LHFPL5: variants seen among roughly 807,000 people sequenced by gnomAD.
The protein encoded by LHFPL5 is LHFPL tetraspan subfamily member 5 protein.
LHFPL5 carries 12 observed loss-of-function variants against 18.7 expected under a neutral mutation model. That is an observed-to-expected ratio of 0.64 (90% confidence interval 0.41 to 1.04). The LOEUF is 1.04. LHFPL5 is among the 50% of genes least tolerant of loss of function. The probability of loss-of-function intolerance (pLI) is 0.00; values close to 1 mark genes in which losing one functional copy is unlikely to be tolerated. For synonymous variants in LHFPL5, 111 were observed against 120.2 expected (o/e 0.92, Z 0.50); for missense variants, 259 against 292.1 (o/e 0.89, Z 0.83).
chr6:35,807,980 AGT>A lies in LHFPL5; in HGVS notation c.412+1899_412+1900del, dbSNP rs1335804218. Among the ~76,000 whole-genome samples, 240 of 152,300 alleles carry A rather than the reference AGT, an allele frequency of 1.6e-3. 2 individuals are homozygous for A. The South Asian group carries it at 0.023, about 15-fold the overall frequency. On this transcript the variant is annotated intron_variant, in intron 1 of 3. Coordinates refer to ENST00000360215, the MANE Select transcript of LHFPL5 (RefSeq NM_182548.4). ...TGGGTAACTTGTCTTTGAGCATACA[AGT>A]AGGAAGGCATGCACCTTTGATTCCA...
In LHFPL5 at chr6:35,823,414, C is replaced by CATACAT. The variant is rs1393599562; in HGVS notation, c.*450_*451insTACATA. The CATACAT allele has an allele frequency of 9.7e-5, 12 of 124,174 alleles. No individual in the cohort carries two copies. Among genetic ancestry groups the CATACAT allele is most frequent in the Non-Finnish European group, 1.2e-4 (7 of 58,436 alleles). 7.7% of individuals were successfully genotyped at this position (124,174 alleles called of 1,614,324 possible). On this transcript the variant is annotated 3_prime_UTR_variant, in exon 4 of 4. Transcript: ENST00000360215. ...ACACACACACACACACACACACACA[C>CATACAT]ACACACACACATACATACACACACA...
chr6:35,811,413 C>T (rs569019731), intron 1 of LHFPL5: 2 of 152,382 alleles, frequency 1.3e-5, no homozygotes, highest in African/African-American at 4.8e-5. Flanking sequence ...ACTTTACAGA[C>T]AACAGGACGG....
In LHFPL5 at chr6:35,814,190, T is replaced by A. The variant is rs1768719140; in HGVS notation, c.413-356T>A. Among the ~76,000 whole-genome samples the A allele has an allele frequency of 6.6e-6, 1 of 152,214 alleles. No homozygotes were observed. On this transcript the variant is annotated intron_variant, in intron 1 of 3. Coordinates refer to ENST00000360215, the MANE Select transcript of LHFPL5 (RefSeq NM_182548.4). This position sits in a 1 kb window ranked among gnomAD's most constrained non-coding sequence, Gnocchi z 4.2. ...ATGAGTTCTTTGGGCTGGGACTAGA[T>A]ACCGGAGGGCTTTGAAGCCAGGGTA...
At position 35,805,815 on chromosome 6, in the gene LHFPL5, T is replaced by G; in HGVS notation, c.145T>G (p.Trp49Gly). 1.2e-6 allele frequency: 2 copies of G among 1,614,260 alleles called. No homozygotes were observed. Among genetic ancestry groups the G allele is most frequent in the Non-Finnish European group, 1.7e-6 (2 of 1,180,036 alleles). Residue 49 changes from tryptophan to glycine, a missense_variant, in exon 1 of 4, where the codon TGG (tryptophan) becomes GGG (glycine). Transcript: ENST00000360215. This position sits in a 1 kb window ranked among gnomAD's most constrained non-coding sequence, Gnocchi z 4.3. Reference protein sequence around the residue: ...LVMALFIQPYWIGDSVNTPQA... With the variant: ...LVMALFIQPYGIGDSVNTPQA... ...CATGGCCCTCTTCATCCAGCCCTAC[T>G]GGATCGGCGACAGCGTCAACACACC...
intron 1 of LHFPL5, among the ~76,000 whole-genome samples, chr6:35,806,794 G>A (rs767069900): frequency 3.9e-5 from 6 of 152,094 alleles, no homozygotes; most frequent in Non-Finnish European, 7.4e-5. Context: ...TGAGGTAGAG[G>A]AAGCTATTTA....
intron 1 of LHFPL5, among the ~76,000 whole-genome samples, chr6:35,811,643 G>A (rs2151070129): frequency 6.6e-6 from 1 of 152,350 alleles, no homozygotes; most frequent in Non-Finnish European, 1.5e-5. Context: ...GGAGGGGAGG[G>A]GCCACGGGAG....
chr6:35,813,083 C>G (rs1012188650), intron 1 of LHFPL5, among the ~76,000 whole-genome samples: 2 of 151,956 alleles, frequency 1.3e-5, no homozygotes, highest in Non-Finnish European at 1.5e-5. Flanking sequence ...GCTTAAGTTG[C>G]TTGCTCTGAG....
At position 35,814,323 on chromosome 6, in the gene LHFPL5, G is replaced by T. The variant is rs143505680; in HGVS notation, c.413-223G>T. Among the ~76,000 whole-genome samples, 1 of 152,102 alleles carries T rather than the reference G, an allele frequency of 6.6e-6. No homozygotes were observed. The highest frequency in any genetic ancestry group is 1.5e-5 in the Non-Finnish European group (1 of 67,998). The stretch of plus-strand genomic sequence containing the variant: ...GGCTTAGGAGCTCAGCTCTGCCTCC[G>T]CCCCAACTACTGGGTCTCGGGGGCC... On this transcript the variant is annotated intron_variant, in intron 1 of 3. Coordinates refer to ENST00000360215, the MANE Select transcript of LHFPL5 (RefSeq NM_182548.4). This position sits in a 1 kb window ranked among gnomAD's most constrained non-coding sequence, Gnocchi z 4.2.
chr6:35,808,634 G>T (rs1768615476), intron 1 of LHFPL5, among the ~76,000 whole-genome samples: 1 of 131,772 alleles, frequency 7.6e-6, no homozygotes, highest in African/African-American at 2.8e-5. Context: ...AGATTTAGTA[G>T]TTTTATGCCA....
At chr6:35,820,470 G>A (rs1265838630) in intron 3 of LHFPL5, among the ~76,000 whole-genome samples, 1 of 152,136 alleles carries the variant, frequency 6.6e-6, no homozygotes, top group Non-Finnish European at 1.5e-5. Flanking sequence ...GGAGGCTGAG[G>A]TGGGCGGATC....
chr6:35,818,343 ATATATGTATTTTTTT>A (rs1768802326), intron 2 of LHFPL5, among the ~76,000 whole-genome samples: 1 of 7,322 alleles, frequency 1.4e-4, no homozygotes, highest in Non-Finnish European at 3.2e-4. Flanking sequence ...ATATATATAT[ATATATGTATTTTTTT>A]TTTTTTTTTT....
intron 1 of LHFPL5, among the ~76,000 whole-genome samples, chr6:35,807,401 G>T: frequency 6.6e-6 from 1 of 152,148 alleles, no homozygotes; most frequent in Non-Finnish European, 1.5e-5. Flanking sequence ...GTGCCAAGTG[G>T]TCTTGCTCTT....
chr6:35,813,445 G>A (rs1275567205), intron 1 of LHFPL5, among the ~76,000 whole-genome samples: 3 of 151,700 alleles, frequency 2.0e-5, no homozygotes, highest in African/African-American at 7.3e-5. Context: ...GGGTTTCACC[G>A]TGTTAGCCAG....
intron 3 of LHFPL5, among the ~76,000 whole-genome samples, chr6:35,820,720 TAAAATA>T (rs1256984707): frequency 6.7e-6 from 1 of 149,406 alleles, no homozygotes; most frequent in Non-Finnish European, 1.5e-5. Context: ...AATAAATAAA[TAAAATA>T]GAATAAAATA....
At chr6:35,810,230 GC>G (rs1232246364) in intron 1 of LHFPL5, among the ~76,000 whole-genome samples, 1 of 152,014 alleles carries the variant, frequency 6.6e-6, no homozygotes, top group African/African-American at 2.4e-5. Flanking sequence ...CCTCCCAAAG[GC>G]CCCACCTCCT....
rs1768907139 is a variant in LHFPL5 at position 35,823,410 on chromosome 6, CACACACACACACACA to C, written c.*446_*460del. On this transcript the variant is annotated 3_prime_UTR_variant, in exon 4 of 4. Transcript: ENST00000360215. ...ATATACACACACACACACACACACA[CACACACACACACACA>C]TACATACACACACACATATATATAC... The C allele has an allele frequency of 7.0e-6, 1 of 143,220 alleles. No homozygotes were observed. Among genetic ancestry groups the C allele is most frequent in the Admixed American group, 7.0e-5 (1 of 14,290 alleles). 8.9% of individuals were successfully genotyped at this position (143,220 alleles called of 1,614,324 possible). A position where few individuals can be genotyped will look rare whatever the true frequency, so the allele number is the denominator to read the frequency against.
In LHFPL5 at chr6:35,823,972, A is replaced by C. The variant is rs1345789121; in HGVS notation, c.*1007A>C. The C allele has an allele frequency of 6.6e-6, 1 of 152,262 alleles. No homozygotes were observed. Among genetic ancestry groups the C allele is most frequent in the Non-Finnish European group, 1.5e-5 (1 of 68,054 alleles). 9.4% of individuals were successfully genotyped at this position (152,262 alleles called of 1,614,324 possible). ...GATGCCCAAGTCCTCAGCTAAAAAT[A>C]GCGTAGTATTTGCATATAACCTATG... On this transcript the variant is annotated 3_prime_UTR_variant, in exon 4 of 4. Coordinates refer to ENST00000360215, the MANE Select transcript of LHFPL5 (RefSeq NM_182548.4).
At position 35,814,319 on chromosome 6, in the gene LHFPL5, C is replaced by T. The variant is rs1314627928; in HGVS notation, c.413-227C>T. Among the ~76,000 whole-genome samples, 6 of 152,056 alleles carry T rather than the reference C, an allele frequency of 3.9e-5. No individual in the cohort carries two copies. Among genetic ancestry groups the T allele is most frequent in the African/African-American group, 1.2e-4 (5 of 41,406 alleles). Reference sequence around the variant, plus strand: ...CCTGGGCTTAGGAGCTCAGCTCTGCCTCCGCCCCAACTACTGGGTCTCGGG... The same window carrying T: ...CCTGGGCTTAGGAGCTCAGCTCTGCTTCCGCCCCAACTACTGGGTCTCGGG... On this transcript the variant is annotated intron_variant, in intron 1 of 3. Transcript: ENST00000360215. This position sits in a 1 kb window ranked among gnomAD's most constrained non-coding sequence, Gnocchi z 4.2.
chr6:35,815,564 A>G (rs1266355530), intron 2 of LHFPL5, among the ~76,000 whole-genome samples: 1 of 152,164 alleles, frequency 6.6e-6, no homozygotes, highest in Non-Finnish European at 1.5e-5. Flanking sequence ...GCAGGTGGCC[A>G]TCACTGGGGA....
Sources: allele counts gnomAD v4.1 joint callset (sites outside exome capture counted in the v4.1 genomes callset), GRCh38; gene constraint gnomAD v4.1.1; non-coding constraint Gnocchi (gnomAD v3.1); transcripts MANE v1.5; gene names NCBI Gene and HGNC (gene_info 2026-07-23, HGNC 2026-07-21).